Variants in VASP observed in about 807,000 individuals in gnomAD.
The protein encoded by VASP is vasodilator-stimulated phosphoprotein.
In VASP, 27 loss-of-function variants were observed where a neutral mutation model predicts 54.4. That is an observed-to-expected ratio of 0.50 (90% CI 0.37 to 0.68). The LOEUF (loss-of-function observed/expected upper bound fraction) is 0.68, where lower values mean the gene tolerates loss of function less well. VASP is among the 30% of genes least tolerant of loss of function. The pLI, the probability that VASP is intolerant of heterozygous loss-of-function variation, is 0.00. For synonymous variants in VASP, 233 were observed against 209.8 expected, an observed-to-expected ratio of 1.11 and a Z score of -0.96; for missense variants, 488 against 528.3, an observed-to-expected ratio of 0.92 and a Z score of 0.75.
intron 1 of VASP, among the ~76,000 whole-genome samples, chr19:45,512,852 G>A (rs1055691782): frequency 6.6e-6 from 1 of 152,126 alleles, no homozygotes; most frequent in African/African-American, 2.4e-5. Flanking sequence ...GCCTGCCTTG[G>A]CCTCCCAAAG....
At chr19:45,516,013 A>G (rs1166441051) in intron 1 of VASP, among the ~76,000 whole-genome samples, 2 of 152,190 alleles carry the variant, frequency 1.3e-5, no homozygotes, top group Non-Finnish European at 2.9e-5. Context: ...TGGGGATATC[A>G]GCTCCTGAAC....
chr19:45,523,843 G>T lies in VASP; in HGVS notation c.876G>T (p.Gln292His). ...EKTPKDESAN[Q>H]EEPEARVPAQ... ...ATGGCAGTTTTATTTCCTACCAGCA[G>T]GAGGAGCCAGAGGCCAGAGTCCCGG... The change falls in exon 9 of 13, where the codon CAG (glutamine) becomes CAT (histidine). Residue 292 changes from glutamine (Q) to histidine (H), a missense_variant and splice_region_variant. Gln to His is a conservative substitution (Grantham distance 24). This residue lies in a region of VASP where 126 missense variants were observed against 134.8 expected (regional missense o/e 0.94). Coordinates refer to ENST00000245932, the MANE Select transcript of VASP (RefSeq NM_003370.4). 1.9e-6 allele frequency: 3 copies of T among 1,614,082 alleles called. No individual in the cohort carries two copies. The highest frequency in any genetic ancestry group is 2.5e-6 in the Non-Finnish European group (3 of 1,180,026).
At chr19:45,515,613 T>G (rs932775886) in intron 1 of VASP, among the ~76,000 whole-genome samples, 324 of 152,216 alleles carry the variant, frequency 2.1e-3, no homozygotes, top group African/African-American at 7.6e-3. Context: ...CTCAGCTCAC[T>G]GCGGCCTCCA....
rs753998452 is a variant in VASP at position 45,522,194 on chromosome 19, T to C, written c.455T>C (p.Ile152Thr). ...CAGCAGCCCGGCCCGTCGGAGCACA[T>C]AGAGCGCCGGGTCTCCAATGCAGGT... ...KRQQPGPSEH[I>T]ERRVSNAGGP... is the part of the protein sequence containing the mutation. Residue 152 changes from isoleucine to threonine, a missense_variant, in exon 5 of 13, where the codon ATA (isoleucine) becomes ACA (threonine). Coordinates refer to ENST00000245932, the MANE Select transcript of VASP (RefSeq NM_003370.4). 6.2e-7 allele frequency: 1 copy of C among 1,614,068 alleles called. No individual in the cohort carries two copies.
intron 10 of VASP, 82 bp from the exon 11 acceptor site, chr19:45,524,488 A>G (rs1042242416): frequency 5.0e-6 from 7 of 1,393,964 alleles, no homozygotes; most frequent in Middle Eastern, 1.8e-4. Context: ...GCAGAGCTCA[A>G]TGTGACCCCT....
chr19:45,511,889 G>T (rs1383903664), intron 1 of VASP, among the ~76,000 whole-genome samples: 2 of 152,248 alleles, frequency 1.3e-5, no homozygotes, highest in African/African-American at 2.4e-5. Context: ...CTGAGGTCAG[G>T]AGTTTGAGGC....
At chr19:45,519,359 G>A (rs1250040869) in intron 3 of VASP, among the ~76,000 whole-genome samples, 1 of 152,056 alleles carries the variant, frequency 6.6e-6, no homozygotes, top group African/African-American at 2.4e-5. Context: ...GGCCAGGCTG[G>A]TTTCAAACTC....
At chr19:45,512,536 C>T (rs1167083734) in intron 1 of VASP, among the ~76,000 whole-genome samples, 1 of 151,986 alleles carries the variant, frequency 6.6e-6, no homozygotes, top group Non-Finnish European at 1.5e-5. Context: ...GGTCCGCCTG[C>T]TTCGGCCTCC....
At chr19:45,523,740 ATG>A in intron 8 of VASP, 45 bp downstream of exon 8, 1 of 1,613,990 alleles carries the variant, frequency 6.2e-7, no homozygotes, top group Non-Finnish European at 8.5e-7. Flanking sequence ...AGGCCGTACC[ATG>A]AGGGTAGGGA....
At chr19:45,508,487 C>T (rs1208033711) in intron 1 of VASP, among the ~76,000 whole-genome samples, 1 of 152,166 alleles carries the variant, frequency 6.6e-6, no homozygotes. Flanking sequence ...CAGAGGGCGG[C>T]TCCCCGCCTC....
rs1385451852 is a variant in VASP at position 45,518,000 on chromosome 19, C to T, written c.249C>T (p.Arg83=). The change falls in exon 3 of 13, where the codon CGC becomes CGT. Residue 83 remains arginine (R), a synonymous_variant. Transcript: ENST00000245932. ...NQATPNFHQW[R]DARQVWGLNF... ...CCACCCCCAACTTCCATCAGTGGCG[C>T]GACGCTCGCCAGGTCTGGGGCCTCA... 22 of 1,613,830 alleles carry T rather than the reference C, an allele frequency of 1.4e-5. No individual in the cohort carries two copies. Among genetic ancestry groups the T allele is most frequent in the Admixed American group, 5.0e-5 (3 of 59,994 alleles).
Position 45,522,164 on chromosome 19 carries a change from A to T in VASP, c.429-4A>T. The T allele has an allele frequency of 1.2e-6, 2 of 1,613,580 alleles. No homozygotes were observed. Among genetic ancestry groups the T allele is most frequent in the Non-Finnish European group, 8.5e-7 (1 of 1,179,950 alleles). ...GACGGCAGCTCTCTCGCCTCCCCCC[A>T]CAGGCAGCAGCCCGGCCCGTCGGAG... is the stretch of plus-strand genomic sequence containing the variant. On this transcript the variant is annotated splice_region_variant and splice_polypyrimidine_tract_variant and intron_variant, in intron 4 of 12. Transcript: ENST00000245932.
At chr19:45,523,798 G>A (rs774229205) in intron 8 of VASP, 43 bp from the exon 9 acceptor site, 11 of 1,613,960 alleles carry the variant, frequency 6.8e-6, no homozygotes, top group Non-Finnish European at 9.3e-6. Context: ...AATGGGCAGA[G>A]GTGTGGCAGG....
At chr19:45,525,700 AAAAAAAG>A in intron 11 of VASP, 24 of 402,018 alleles carry the variant, frequency 6.0e-5, no homozygotes, top group Non-Finnish European at 9.0e-5. Flanking sequence ...TGTTTCAAAA[AAAAAAAG>A]AAAAAGAAAA....
chr19:45,519,457 C>CA (rs1968777661), intron 3 of VASP, among the ~76,000 whole-genome samples: 1 of 146,356 alleles, frequency 6.8e-6, no homozygotes, highest in Non-Finnish European at 1.5e-5. Flanking sequence ...TGGATCATTT[C>CA]AAATTTTTTT....
chr19:45,519,923 A>G (rs879693640), intron 3 of VASP, among the ~76,000 whole-genome samples: 2 of 14,570 alleles, frequency 1.4e-4, no homozygotes, highest in African/African-American at 6.5e-4. Context: ...TTTTTTTTTT[A>G]ATATGGAGTC....
Position 45,522,392 on chromosome 19 carries a change from C to CCCT in VASP, c.537_539dup (p.Pro180dup). ...GTCCACCCCCACCACCAGGACCTCC[C>CCCT]CCTCCTCCAGGTCCCCCCCCACCCC... On this transcript the variant is annotated inframe_insertion, in exon 6 of 13. Coordinates refer to ENST00000245932, the MANE Select transcript of VASP (RefSeq NM_003370.4). 1 of 1,536,306 alleles carries CCCT rather than the reference C, an allele frequency of 6.5e-7. No individual in the cohort carries two copies. Among genetic ancestry groups the CCCT allele is most frequent in the Non-Finnish European group, 8.8e-7 (1 of 1,137,338 alleles).
intron 1 of VASP, among the ~76,000 whole-genome samples, chr19:45,510,387 G>A (rs948083001): frequency 5.3e-5 from 8 of 151,930 alleles, no homozygotes; most frequent in South Asian, 4.1e-4. Context: ...CACCATGCCC[G>A]GCTAATTTTT....
chr19:45,519,208 G>A (rs1968772137), intron 3 of VASP, among the ~76,000 whole-genome samples: 1 of 152,068 alleles, frequency 6.6e-6, no homozygotes, highest in South Asian at 2.1e-4. Context: ...TAGAGACAAG[G>A]TTTCACCGTG....
Sources: gnomAD v4.1 joint callset for allele counts (sites outside exome capture counted in the v4.1 genomes callset) on GRCh38, gnomAD v4.1.1 for gene constraint, gnomAD v4.1.1 regional missense constraint, MANE v1.5 for transcripts, NCBI Gene and HGNC (gene_info 2026-07-23, HGNC 2026-07-21) for gene names.